The following GRAMD1C variants were observed in gnomAD, a reference collection of about 807,000 sequenced individuals.
GRAMD1C encodes the protein protein Aster-C.
GRAMD1C carries 89 observed loss-of-function variants against 97.8 expected under a neutral mutation model. The ratio of observed to expected loss-of-function variants is 0.91; its 90% CI spans 0.77 to 1.09. The LOEUF (loss-of-function observed/expected upper bound fraction) is 1.09. GRAMD1C is among the 50% of genes least tolerant of loss of function. The pLI is 0.00. For synonymous variants in GRAMD1C, 256 were observed against 267.0 expected (o/e 0.96, Z 0.40); for missense variants, 740 against 766.4 (o/e 0.97, Z 0.41).
At chr3:113,921,680 G>A (rs1937061872) in intron 10 of GRAMD1C, among the ~76,000 whole-genome samples, 1 of 152,174 alleles carries the variant, frequency 6.6e-6, no homozygotes, top group African/African-American at 2.4e-5. Context: ...GTATCTCACT[G>A]TGGTTTGATT....
intron 2 of GRAMD1C, chr3:113,850,431 C>G (rs1004894959): frequency 1.7e-6 from 2 of 1,197,100 alleles, no homozygotes; most frequent in African/African-American, 3.0e-5. Context: ...CAAGGCCTGC[C>G]AGTCTCTGGA....
At chr3:113,864,559 G>C (rs1003751386) in intron 2 of GRAMD1C, among the ~76,000 whole-genome samples, 2 of 151,976 alleles carry the variant, frequency 1.3e-5, no homozygotes, top group Non-Finnish European at 2.9e-5. Flanking sequence ...CTCAGGTTTG[G>C]CCATCCCCAA....
At chr3:113,887,848 G>C (rs1230665349) in intron 6 of GRAMD1C, among the ~76,000 whole-genome samples, 2 of 151,660 alleles carry the variant, frequency 1.3e-5, no homozygotes, top group Non-Finnish European at 2.9e-5. Context: ...AAATTATAAG[G>C]AAATATTATG....
At chr3:113,859,708 C>T (rs1324408906) in intron 2 of GRAMD1C, among the ~76,000 whole-genome samples, 2 of 152,084 alleles carry the variant, frequency 1.3e-5, no homozygotes, top group African/African-American at 4.8e-5. Context: ...AAAACAAAAA[C>T]CAAAGAAACC....
At chr3:113,915,038 T>A (rs1936757028) in intron 9 of GRAMD1C, among the ~76,000 whole-genome samples, 1 of 152,218 alleles carries the variant, frequency 6.6e-6, no homozygotes, top group Non-Finnish European at 1.5e-5. Flanking sequence ...CATTTGTCAC[T>A]AGTAGTTTTC....
chr3:113,837,719 TCAAAAAA>T (rs992021257), upstream of GRAMD1C, among the ~76,000 whole-genome samples: 6 of 108,622 alleles, frequency 5.5e-5, no homozygotes, highest in African/African-American at 1.1e-4. Context: ...AAACCCTGTC[TCAAAAAA>T]CAAACAAACA....
chr3:113,836,136 C>T (rs992591643), upstream of GRAMD1C, among the ~76,000 whole-genome samples: 2 of 151,824 alleles, frequency 1.3e-5, no homozygotes, highest in Admixed American at 1.3e-4. Context: ...TGGTGGTGGG[C>T]GCCTGTAGTC....
At chr3:113,839,940 A>G (rs1391549486) in intron 1 of GRAMD1C, among the ~76,000 whole-genome samples, 2 of 152,168 alleles carry the variant, frequency 1.3e-5, no homozygotes, top group African/African-American at 4.8e-5. Context: ...ATTCAGGTGT[A>G]GAAACTGATG....
At chr3:113,927,359 G>A (rs956670328) in intron 10 of GRAMD1C, among the ~76,000 whole-genome samples, 4 of 152,082 alleles carry the variant, frequency 2.6e-5, no homozygotes, top group Admixed American at 6.5e-5. Context: ...TTTGGACCAC[G>A]GGGCTCTTTT....
At chr3:113,911,686 T>TGTTTCTTTCCTTCCTTCCTTC in intron 9 of GRAMD1C, among the ~76,000 whole-genome samples, 1 of 84,502 alleles carries the variant, frequency 1.2e-5, no homozygotes, top group Non-Finnish European at 2.4e-5. Flanking sequence ...TCTCTTTCTC[T>TGTTTCTTTCCTTCCTTCCTTC]CTCTGTTTCT....
intron 10 of GRAMD1C, among the ~76,000 whole-genome samples, chr3:113,917,164 A>T (rs897630301): frequency 5.9e-5 from 9 of 152,032 alleles, no homozygotes; most frequent in Non-Finnish European, 1.3e-4. Context: ...AAATAAATAA[A>T]GTTTGAAACT....
chr3:113,840,986 G>A (rs1160971568), intron 1 of GRAMD1C, among the ~76,000 whole-genome samples: 2 of 152,234 alleles, frequency 1.3e-5, no homozygotes, highest in African/African-American at 4.8e-5. Context: ...GTAAAGAGAT[G>A]TTATGTCTCT....
At chr3:113,886,664 C>T (rs1437660352) in intron 6 of GRAMD1C, among the ~76,000 whole-genome samples, 1 of 145,324 alleles carries the variant, frequency 6.9e-6, no homozygotes, top group Non-Finnish European at 1.5e-5. Flanking sequence ...AAACTAAATG[C>T]AAAGCAAGAA....
At chr3:113,830,520 C>T (rs978974289) in intron 1 of GRAMD1C, among the ~76,000 whole-genome samples, 2 of 152,186 alleles carry the variant, frequency 1.3e-5, no homozygotes, top group African/African-American at 4.8e-5. Context: ...TCCTGTATTA[C>T]TACTACACAC....
intron 16 of GRAMD1C, 46 bp from the exon 17 acceptor site, chr3:113,940,194 A>G (rs1426514538): frequency 4.4e-6 from 5 of 1,132,136 alleles, no homozygotes; most frequent in South Asian, 1.3e-5. Flanking sequence ...TGAAAAAAAG[A>G]TCAGAAGCTA....
chr3:113,945,680 T>C lies in GRAMD1C; in HGVS notation c.*202T>C. On this transcript the variant is annotated 3_prime_UTR_variant, in exon 18 of 18. Transcript: ENST00000358160. ...TAATAATCCATCCTTTCACTTCTTA[T>C]AGATATTTTTAAGCTGTGAATTTCT... is the stretch of plus-strand genomic sequence containing the variant. 2.0e-6 allele frequency: 1 copy of C among 501,150 alleles called. No individual in the cohort carries two copies. 31.0% of individuals were successfully genotyped at this position (501,150 alleles called of 1,614,324 possible).
At chr3:113,850,569 C>T in intron 2 of GRAMD1C, 1 of 1,604,772 alleles carries the variant, frequency 6.2e-7, no homozygotes, top group African/African-American at 1.3e-5. Flanking sequence ...CACGTAGCCT[C>T]AGGACTTGAG....
intron 8 of GRAMD1C, among the ~76,000 whole-genome samples, chr3:113,907,723 G>T (rs962873723): frequency 3.3e-5 from 5 of 152,098 alleles, no homozygotes; most frequent in Non-Finnish European, 7.4e-5. Flanking sequence ...AGTATACAAA[G>T]AAATAAAAGC....
chr3:113,885,618 G>A, intron 6 of GRAMD1C: 1 of 1,508,388 alleles, frequency 6.6e-7, no homozygotes, highest in Non-Finnish European at 9.2e-7. Flanking sequence ...CCGGTTTTTT[G>A]TACGTAAGAG....
Sources: gnomAD v4.1 joint callset for allele counts (sites outside exome capture counted in the v4.1 genomes callset) on GRCh38, gnomAD v4.1.1 for gene constraint, MANE v1.5 for transcripts, NCBI Gene and HGNC (gene_info 2026-07-23, HGNC 2026-07-21) for gene names.